The following ZNF423 variants were observed in gnomAD, a reference collection of about 807,000 sequenced individuals.
The protein encoded by ZNF423 is zinc finger protein 423.
In ZNF423, 12 loss-of-function variants were observed where a neutral mutation model predicts 95.8. The observed-to-expected ratio is 0.13, with a 90% CI of 0.08 to 0.20. The LOEUF is 0.20. ZNF423 is among the 10% of genes least tolerant of loss of function. The pLI is 1.00. For synonymous variants in ZNF423, 749 were observed against 711.9 expected (o/e 1.05, Z -0.83); for missense variants, 1,316 against 1,737.1 (o/e 0.76, Z 4.31).
At chr16:49,647,381 A>G (rs1973218594) in intron 3 of ZNF423, among the ~76,000 whole-genome samples, 1 of 152,250 alleles carries the variant, frequency 6.6e-6, no homozygotes, top group Non-Finnish European at 1.5e-5. Context: ...TAGGCAGAAT[A>G]ATAATTACCC....
At chr16:49,725,084 G>A (rs2032973860) in intron 3 of ZNF423, among the ~76,000 whole-genome samples, 1 of 152,174 alleles carries the variant, frequency 6.6e-6, no homozygotes. Flanking sequence ...AGCTCTCTGA[G>A]CCTCAGTCAC....
chr16:49,545,759 T>C (rs1297128628), intron 5 of ZNF423, among the ~76,000 whole-genome samples: 2 of 152,232 alleles, frequency 1.3e-5, no homozygotes, highest in Admixed American at 1.3e-4. Flanking sequence ...AAGACTGGGC[T>C]CGCTGAGTTA....
chr16:49,825,832 C>T (rs891940856), intron 1 of ZNF423, among the ~76,000 whole-genome samples: 1 of 152,178 alleles, frequency 6.6e-6, no homozygotes. Context: ...CCATCCAGCC[C>T]CCTAAGACAC....
At position 49,739,694 on chromosome 16, in the gene ZNF423, TGG is replaced by T. The variant is rs746165458; in HGVS notation, c.101-8725_101-8724del. Among the ~76,000 whole-genome samples the T allele has an allele frequency of 3.6e-3, 293 of 81,756 alleles. 2 individuals are homozygous for T. Among genetic ancestry groups the T allele is most frequent in the African/African-American group, 0.016 (270 of 16,922 alleles). 53.6% of individuals were successfully genotyped at this position (81,756 alleles called of 152,430 possible). A position where few individuals can be genotyped will look rare whatever the true frequency, so the allele number is the denominator to read the frequency against. On this transcript the variant is annotated intron_variant, in intron 2 of 7. Coordinates refer to ENST00000563137, the MANE Select transcript of ZNF423 (RefSeq NM_001379286.1). ...ACACGTTTGTTTTTTTGTTTTTGTT[TGG>T]TTTTTTTTTTTTTTTTTTTGGAGAC...
At chr16:49,729,740 CTG>C (rs1166216072) in intron 3 of ZNF423, among the ~76,000 whole-genome samples, 1 of 151,684 alleles carries the variant, frequency 6.6e-6, no homozygotes, top group Non-Finnish European at 1.5e-5. Flanking sequence ...CTAGCCAGCC[CTG>C]TGCAGGCACA....
chr16:49,641,468 T>C (rs186425353), intron 3 of ZNF423, among the ~76,000 whole-genome samples: 49 of 152,336 alleles, frequency 3.2e-4, no homozygotes, highest in Non-Finnish European at 5.1e-4. Context: ...ACACAGGAAC[T>C]GGCTGGAACC....
rs546723250 is a variant in ZNF423 at position 49,616,840 on chromosome 16, T to G, written c.3601+9330A>C. Among the ~76,000 whole-genome samples the G allele has an allele frequency of 5.3e-4, 80 of 152,158 alleles. No individual in the cohort carries two copies. In the Middle Eastern group the frequency reaches 0.017, roughly 32 times the overall value. ...TGGTATATAGGCTTAGCATGGCCGG[T>G]TTTTCCTCTCTAAACTGGGACTCTA... is the stretch of plus-strand genomic sequence containing the variant. On this transcript the variant is annotated intron_variant, in intron 5 of 7. Coordinates refer to ENST00000563137, the MANE Select transcript of ZNF423 (RefSeq NM_001379286.1).
intron 3 of ZNF423, among the ~76,000 whole-genome samples, chr16:49,647,451 T>C (rs967562577): frequency 1.1e-4 from 17 of 152,200 alleles, no homozygotes; most frequent in Admixed American, 1.1e-3. Context: ...CATGGTAAAA[T>C]GGAATTAAGG....
At chr16:49,697,650 G>A (rs2032022807) in intron 3 of ZNF423, among the ~76,000 whole-genome samples, 1 of 152,154 alleles carries the variant, frequency 6.6e-6, no homozygotes, top group South Asian at 2.1e-4. Context: ...GGGCTCCCTG[G>A]GGCACAACAG....
intron 5 of ZNF423, among the ~76,000 whole-genome samples, chr16:49,558,876 T>C (rs1215420613): frequency 6.6e-6 from 1 of 152,216 alleles, no homozygotes; most frequent in African/African-American, 2.4e-5. Flanking sequence ...AAGGTGTACC[T>C]GGAAGCGAGC....
intron 5 of ZNF423, among the ~76,000 whole-genome samples, chr16:49,582,031 C>G (rs1189096008): frequency 6.6e-6 from 1 of 152,238 alleles, no homozygotes; most frequent in Non-Finnish European, 1.5e-5. Context: ...GCTCAAATAT[C>G]TGGTTAGTTG....
chr16:49,602,735 C>G (rs1486006431), intron 5 of ZNF423, among the ~76,000 whole-genome samples: 1 of 152,156 alleles, frequency 6.6e-6, no homozygotes, highest in Non-Finnish European at 1.5e-5. Context: ...TCAGAGAAAA[C>G]CGGCTCTTGT....
At chr16:49,822,765 A>C in intron 1 of ZNF423, 5 of 1,577,512 alleles carry the variant, frequency 3.2e-6, no homozygotes, top group Non-Finnish European at 4.3e-6. Flanking sequence ...AAAATTTCTT[A>C]TTGCAGGCTA....
At chr16:49,577,839 C>T (rs944066260) in intron 5 of ZNF423, among the ~76,000 whole-genome samples, 1 of 152,212 alleles carries the variant, frequency 6.6e-6, no homozygotes, top group African/African-American at 2.4e-5. Context: ...GACATAACAG[C>T]CTCTGTAGTT....
intron 1 of ZNF423, among the ~76,000 whole-genome samples, chr16:49,791,484 C>T (rs542848804): frequency 1.1e-4 from 17 of 152,276 alleles, no homozygotes; most frequent in Admixed American, 7.2e-4. Flanking sequence ...TTTACTTACA[C>T]GCACACATGT....
chr16:49,753,547 G>A (rs1435269699), intron 2 of ZNF423, among the ~76,000 whole-genome samples: 1 of 150,872 alleles, frequency 6.6e-6, no homozygotes, highest in African/African-American at 2.4e-5. Context: ...AGGCTGCAGC[G>A]AGCTGTGACT....
At chr16:49,669,128 G>A (rs933554353) in intron 3 of ZNF423, among the ~76,000 whole-genome samples, 5 of 151,934 alleles carry the variant, frequency 3.3e-5, no homozygotes, top group African/African-American at 7.3e-5. Context: ...TCAGGAGTTC[G>A]AGACCAGCCT....
intron 5 of ZNF423, among the ~76,000 whole-genome samples, chr16:49,568,285 G>T (rs1243586327): frequency 6.6e-6 from 1 of 152,114 alleles, no homozygotes; most frequent in African/African-American, 2.4e-5. Context: ...GTAGGATGTG[G>T]GCCTGGAGGG....
chr16:49,632,353 G>A (rs1972534253), intron 4 of ZNF423, among the ~76,000 whole-genome samples: 1 of 152,160 alleles, frequency 6.6e-6, no homozygotes, highest in Admixed American at 6.5e-5. Context: ...TACATGAGTG[G>A]GTCCTCAGGG....
Sources: allele counts gnomAD v4.1 joint callset (sites outside exome capture counted in the v4.1 genomes callset), GRCh38; gene constraint gnomAD v4.1.1; transcripts MANE v1.5; gene names NCBI Gene and HGNC (gene_info 2026-07-23, HGNC 2026-07-21).